FNDC1: variants seen among roughly 807,000 people sequenced by gnomAD.
FNDC1 encodes the protein fibronectin type III domain-containing protein 1.
In FNDC1, 96 loss-of-function variants were observed where a neutral mutation model predicts 168.0. The observed-to-expected ratio is 0.57, with a 90% CI of 0.48 to 0.68. The LOEUF is 0.68. Among genes scored for constraint, FNDC1 ranks in the 30% least tolerant of loss-of-function variants. The probability of loss-of-function intolerance (pLI) is 0.00; values close to 1 mark genes in which losing one functional copy is unlikely to be tolerated. For missense variants in FNDC1, 2,587 were observed against 2,482.1 expected (o/e 1.04, Z -0.90); for synonymous variants, 1,099 against 1,025.9 (o/e 1.07, Z -1.36).
At chr6:159,183,739 T>C (rs372164819) in intron 1 of FNDC1, among the ~76,000 whole-genome samples, 38 of 152,294 alleles carry the variant, frequency 2.5e-4, no homozygotes, top group African/African-American at 9.1e-4. Flanking sequence ...GCTAGTCTAG[T>C]GGTCAGGGAG....
chr6:159,172,729 A>G (rs1055638970), intron 1 of FNDC1, among the ~76,000 whole-genome samples: 1 of 152,262 alleles, frequency 6.6e-6, no homozygotes. Flanking sequence ...AATTCTTCAT[A>G]TGATTTCAGA....
intron 15 of FNDC1, among the ~76,000 whole-genome samples, chr6:159,247,642 G>C (rs1777165383): frequency 6.6e-6 from 1 of 152,162 alleles, no homozygotes; most frequent in African/African-American, 2.4e-5. Flanking sequence ...CCAGCTACTT[G>C]AGAGGCTGAG....
chr6:159,223,587 G>C lies in FNDC1; in HGVS notation c.826G>C (p.Val276Leu), dbSNP rs781072694. The stretch of plus-strand genomic sequence containing the variant: ...CGTCCGGGTTATGTCATCTCAGTCT[G>C]TGCTTGTGTCCTGGGTGGATCCTGT... ...ISVRVMSSQS[V>L]LVSWVDPVLE... Residue 276 changes from valine to leucine, a missense_variant, in exon 7 of 23, where the codon GTG (valine) becomes CTG (leucine). Val to Leu is a conservative substitution (Grantham distance 32). Transcript: ENST00000297267. The C allele has an allele frequency of 2.2e-5, 36 of 1,613,766 alleles. No individual in the cohort carries two copies. Among genetic ancestry groups the C allele is most frequent in the Non-Finnish European group, 3.0e-5 (35 of 1,179,848 alleles).
At chr6:159,183,341 A>G (rs1481534026) in intron 1 of FNDC1, among the ~76,000 whole-genome samples, 1 of 152,172 alleles carries the variant, frequency 6.6e-6, no homozygotes, top group Non-Finnish European at 1.5e-5. Flanking sequence ...TTCTTCCTGA[A>G]AATCTCTCCT....
intron 5 of FNDC1, among the ~76,000 whole-genome samples, chr6:159,216,685 C>T (rs569614139): frequency 1.9e-4 from 29 of 152,226 alleles, no homozygotes; most frequent in Non-Finnish European, 3.7e-4. Context: ...AGAGAGCACA[C>T]GCAGGGCCCA....
intron 8 of FNDC1, among the ~76,000 whole-genome samples, 190 bp downstream of exon 8, chr6:159,225,912 A>T (rs950972339): frequency 2.0e-5 from 3 of 152,204 alleles, no homozygotes; most frequent in African/African-American, 7.2e-5. Context: ...TTTTGGGTCC[A>T]TGTTTTACCG....
chr6:159,221,522 C>T (rs1204114823), intron 5 of FNDC1, 76 bp from the exon 6 acceptor site: 2 of 1,178,338 alleles, frequency 1.7e-6, no homozygotes, highest in African/African-American at 3.0e-5. Flanking sequence ...ATGCAGAACC[C>T]CCGCTCCAGC....
chr6:159,238,118 G>C lies in FNDC1; in HGVS notation c.4069-436G>C, dbSNP rs541106530. Among the ~76,000 whole-genome samples the C allele has an allele frequency of 2.2e-3, 320 of 145,298 alleles. 2 individuals are homozygous for C. The highest frequency in any genetic ancestry group is 3.7e-3 in the Non-Finnish European group (250 of 66,694). On this transcript the variant is annotated intron_variant, in intron 12 of 22. Transcript: ENST00000297267. Reference sequence around the variant, plus strand: ...TGTACTTTTTTTTTTTTTTTTTTGAGACGGAGTCTTGCCCTGTCACACAGG... The same window carrying C: ...TGTACTTTTTTTTTTTTTTTTTTGACACGGAGTCTTGCCCTGTCACACAGG...
At chr6:159,248,258 G>A (rs1171477701) in intron 15 of FNDC1, among the ~76,000 whole-genome samples, 2 of 151,976 alleles carry the variant, frequency 1.3e-5, no homozygotes, top group Non-Finnish European at 2.9e-5. Flanking sequence ...GTCTTGGCAG[G>A]ATTAATCCCA....
At position 159,229,798 on chromosome 6, in the gene FNDC1, C is replaced by T; in HGVS notation, c.1181-17C>T. 1 of 1,599,038 alleles carries T rather than the reference C, an allele frequency of 6.3e-7. No individual in the cohort carries two copies. Among genetic ancestry groups the T allele is most frequent in the Non-Finnish European group, 8.5e-7 (1 of 1,170,068 alleles). On this transcript the variant is annotated splice_polypyrimidine_tract_variant and intron_variant, in intron 9 of 22. Transcript: ENST00000297267. Reference sequence around the variant, plus strand: ...TTTTCAGTTTCCTCCTTCCAACCATCTGCCAAATCATTTCAGAATACATTC... The same window carrying T: ...TTTTCAGTTTCCTCCTTCCAACCATTTGCCAAATCATTTCAGAATACATTC...
chr6:159,245,148 GA>G (rs1783512415), intron 14 of FNDC1, among the ~76,000 whole-genome samples: 1 of 152,110 alleles, frequency 6.6e-6, no homozygotes, highest in African/African-American at 2.4e-5. Context: ...CAGCATGGGG[GA>G]AACTGCCCCC....
At chr6:159,220,108 G>C (rs1159910753) in intron 5 of FNDC1, among the ~76,000 whole-genome samples, 1 of 152,208 alleles carries the variant, frequency 6.6e-6, no homozygotes, top group African/African-American at 2.4e-5. Context: ...TTTATGGCTA[G>C]AGTATCACCC....
In FNDC1 at chr6:159,232,195, C is replaced by T. The variant is rs751742332; in HGVS notation, c.1683C>T (p.Asp561=). The stretch of plus-strand genomic sequence containing the variant: ...CCATGTCACCCTCAGACACCCAAGA[C>T]CAGAAACGGACCCTGAGGCCGCCAA... The part of the protein sequence containing the change: ...DSPMSPSDTQ[D]QKRTLRPPSR... The change falls in exon 11 of 23, where the codon GAC becomes GAT. Residue 561 remains aspartate, a synonymous_variant. Coordinates refer to ENST00000297267, the MANE Select transcript of FNDC1 (RefSeq NM_032532.3). The surrounding 1 kb of genome is among the most constrained non-coding windows in gnomAD (Gnocchi z 4.9). 1.4e-5 allele frequency: 22 copies of T among 1,613,574 alleles called. 1 individual carries two copies. The South Asian group carries it at 2.4e-4, about 18-fold the overall frequency.
intron 4 of FNDC1, among the ~76,000 whole-genome samples, chr6:159,208,950 C>T (rs996354604): frequency 2.7e-5 from 4 of 150,256 alleles, no homozygotes; most frequent in East Asian, 2.0e-4. Flanking sequence ...CGGCATCAAG[C>T]GATTCTCTTG....
At chr6:159,255,648 C>T (rs1441581332) in intron 17 of FNDC1, among the ~76,000 whole-genome samples, 1 of 152,172 alleles carries the variant, frequency 6.6e-6, no homozygotes, top group Admixed American at 6.5e-5. Flanking sequence ...ATTGCTAATA[C>T]TCAGTTTCCT....
chr6:159,211,069 G>A (rs184532626), intron 4 of FNDC1, among the ~76,000 whole-genome samples: 234 of 152,274 alleles, frequency 1.5e-3, no homozygotes, highest in Admixed American at 4.4e-3. Flanking sequence ...CACCCCCGGC[G>A]TGCAGATTGG....
At chr6:159,248,555 C>T (rs968449405) in intron 15 of FNDC1, among the ~76,000 whole-genome samples, 9 of 152,110 alleles carry the variant, frequency 5.9e-5, no homozygotes, top group Admixed American at 3.3e-4. Flanking sequence ...CCGCCTGCCT[C>T]GGCCTCCCAA....
At position 159,246,809 on chromosome 6, in the gene FNDC1, G is replaced by A. The variant is rs1281833577; in HGVS notation, c.4622-92G>A. The A allele has an allele frequency of 1.5e-5, 13 of 870,982 alleles. No individual in the cohort carries two copies. The Admixed American group carries it at 2.5e-4, about 17-fold the overall frequency. 54.0% of individuals were successfully genotyped at this position (870,982 alleles called of 1,614,324 possible). A position where few individuals can be genotyped will look rare whatever the true frequency, so the allele number is the denominator to read the frequency against. ...GGACTTGTTTTCATGACCTGCTTGA[G>A]GTGAATGAATTGTCACGCTCTGGGG... is the stretch of plus-strand genomic sequence containing the variant. On this transcript the variant is annotated intron_variant, in intron 14 of 22. Coordinates refer to ENST00000297267, the MANE Select transcript of FNDC1 (RefSeq NM_032532.3).
At chr6:159,260,378 C>G (rs1221311253) in intron 18 of FNDC1, among the ~76,000 whole-genome samples, 2 of 152,220 alleles carry the variant, frequency 1.3e-5, no homozygotes, top group Non-Finnish European at 1.5e-5. Context: ...GACTCAGTCT[C>G]TCTCCAGATG....
Sources: allele counts gnomAD v4.1 joint callset (sites outside exome capture counted in the v4.1 genomes callset), GRCh38; gene constraint gnomAD v4.1.1; non-coding constraint Gnocchi (gnomAD v3.1); transcripts MANE v1.5; gene names NCBI Gene and HGNC (gene_info 2026-07-23, HGNC 2026-07-21).